The following KCNIP4 variants were observed in gnomAD, a reference collection of about 807,000 sequenced individuals.
KCNIP4 encodes the protein Kv channel-interacting protein 4.
KCNIP4 carries 12 observed loss-of-function variants against 34.0 expected under a neutral mutation model. That is an observed-to-expected ratio of 0.35 (90% CI 0.23 to 0.57). The LOEUF (loss-of-function observed/expected upper bound fraction) is 0.57, where lower values mean the gene tolerates loss of function less well. Among genes scored for constraint, KCNIP4 ranks in the 20% least tolerant of loss-of-function variants. KCNIP4 has a pLI of 0.83. For missense variants in KCNIP4, 238 were observed against 311.7 expected (o/e 0.76, Z 1.78); for synonymous variants, 124 against 102.2 (o/e 1.21, Z -1.29).
At chr4:21,325,514 G>C (rs1714948622) in intron 1 of KCNIP4, among the ~76,000 whole-genome samples, 1 of 151,674 alleles carries the variant, frequency 6.6e-6, no homozygotes, top group African/African-American at 2.4e-5. Context: ...TCTGTCTAAA[G>C]TTCTGTCAAT....
chr4:21,898,565 A>T (rs547400536), intron 1 of KCNIP4, among the ~76,000 whole-genome samples: 1 of 152,278 alleles, frequency 6.6e-6, no homozygotes, highest in Admixed American at 6.5e-5. Context: ...CCTTGAATGG[A>T]AAGAGCCAGT....
At chr4:21,908,550 C>T (rs549350183) in intron 1 of KCNIP4, among the ~76,000 whole-genome samples, 4 of 152,160 alleles carry the variant, frequency 2.6e-5, no homozygotes, top group Admixed American at 1.3e-4. Flanking sequence ...TGTGGAAAAC[C>T]GTTACTTTTC....
At chr4:21,819,028 T>G (rs1028621873) in intron 1 of KCNIP4, among the ~76,000 whole-genome samples, 1 of 152,212 alleles carries the variant, frequency 6.6e-6, no homozygotes. Flanking sequence ...GACCACACTT[T>G]AAGCCATAGC....
At chr4:21,619,629 C>A (rs113363260) in intron 1 of KCNIP4, among the ~76,000 whole-genome samples, 15 of 152,282 alleles carry the variant, frequency 9.9e-5, no homozygotes, top group African/African-American at 3.4e-4. Context: ...AGGCATAGAT[C>A]CCAAGGTGAG....
intron 1 of KCNIP4, chr4:21,762,876 T>C (rs1188504096): frequency 3.4e-6 from 4 of 1,187,010 alleles, no homozygotes; most frequent in South Asian, 2.6e-5. Flanking sequence ...TCCCAGAAGA[T>C]TGGGAGGGGG....
chr4:21,604,886 T>C (rs1743508877), intron 1 of KCNIP4, among the ~76,000 whole-genome samples: 1 of 152,196 alleles, frequency 6.6e-6, no homozygotes, highest in African/African-American at 2.4e-5. Context: ...ATCAATTATT[T>C]CAAAAGCCTC....
chr4:21,662,217 G>A (rs563516870), intron 1 of KCNIP4, among the ~76,000 whole-genome samples: 1 of 152,260 alleles, frequency 6.6e-6, no homozygotes, highest in Non-Finnish European at 1.5e-5. Flanking sequence ...CAGGTCTGTC[G>A]AGCTTGGGAA....
chr4:21,408,300 T>G (rs1560376539), intron 1 of KCNIP4, among the ~76,000 whole-genome samples: 1 of 152,192 alleles, frequency 6.6e-6, no homozygotes, highest in Admixed American at 6.5e-5. Context: ...GAAAACTCAG[T>G]GTCAAGTGGT....
chr4:21,094,886 GT>G (rs751348153), intron 1 of KCNIP4, among the ~76,000 whole-genome samples: 3 of 152,144 alleles, frequency 2.0e-5, no homozygotes, highest in African/African-American at 4.8e-5. Context: ...CCTTGCCCAA[GT>G]TTACACAGGA....
chr4:21,407,421 G>A (rs1175864041), intron 1 of KCNIP4, among the ~76,000 whole-genome samples: 2 of 152,074 alleles, frequency 1.3e-5, no homozygotes, highest in East Asian at 1.9e-4. Context: ...TCTTTTCCAA[G>A]GGAACGTAAG....
intron 1 of KCNIP4, among the ~76,000 whole-genome samples, chr4:21,175,410 C>T (rs1474892898): frequency 6.6e-6 from 1 of 152,102 alleles, no homozygotes; most frequent in Non-Finnish European, 1.5e-5. Flanking sequence ...AGTTCTGACC[C>T]CTATGTCTAT....
At chr4:21,148,003 T>TA (rs917043105) in intron 1 of KCNIP4, among the ~76,000 whole-genome samples, 14 of 144,070 alleles carry the variant, frequency 9.7e-5, no homozygotes, top group East Asian at 2.0e-4. Context: ...TAAGAGGAAT[T>TA]AAAAAAATCA....
chr4:21,142,288 G>C (rs563879673), intron 1 of KCNIP4, among the ~76,000 whole-genome samples: 1 of 152,182 alleles, frequency 6.6e-6, no homozygotes, highest in South Asian at 2.1e-4. Context: ...TTTGTTCGGT[G>C]AATAGTTTGA....
At chr4:21,655,574 C>G (rs1370871486) in intron 1 of KCNIP4, among the ~76,000 whole-genome samples, 1 of 152,114 alleles carries the variant, frequency 6.6e-6, no homozygotes. Flanking sequence ...ATTTAATCTC[C>G]TTTCATTGGG....
At chr4:21,655,319 TG>T (rs1435828430) in intron 1 of KCNIP4, among the ~76,000 whole-genome samples, 6 of 152,024 alleles carry the variant, frequency 3.9e-5, no homozygotes, top group Non-Finnish European at 7.4e-5. Flanking sequence ...GAACTAATCA[TG>T]GCCATCTGAT....
At chr4:21,742,756 T>C (rs1716501524) in intron 1 of KCNIP4, among the ~76,000 whole-genome samples, 1 of 152,078 alleles carries the variant, frequency 6.6e-6, no homozygotes, top group African/African-American at 2.4e-5. Flanking sequence ...GTAAGTTATA[T>C]GTACATGGGA....
chr4:20,956,370 T>G (rs557348848), intron 1 of KCNIP4, among the ~76,000 whole-genome samples: 2 of 151,766 alleles, frequency 1.3e-5, no homozygotes, highest in East Asian at 1.9e-4. Context: ...CCGGGCGTGG[T>G]GGCGGGTGCC....
intron 1 of KCNIP4, among the ~76,000 whole-genome samples, chr4:21,667,468 A>G (rs1749074556): frequency 6.6e-6 from 1 of 152,246 alleles, no homozygotes; most frequent in South Asian, 2.1e-4. Context: ...TGTTGGAGAC[A>G]GAGCCAGGAA....
chr4:21,878,729 G>T (rs934761085), intron 1 of KCNIP4, among the ~76,000 whole-genome samples: 1 of 152,082 alleles, frequency 6.6e-6, no homozygotes. Context: ...ACACAAACGT[G>T]AAGACTCATA....
Sources: allele counts gnomAD v4.1 joint callset (sites outside exome capture counted in the v4.1 genomes callset), GRCh38; gene constraint gnomAD v4.1.1; transcripts MANE v1.5; gene names NCBI Gene and HGNC (gene_info 2026-07-23, HGNC 2026-07-21).